THSD4: variants seen among roughly 807,000 people sequenced by gnomAD.
THSD4 encodes thrombospondin type-1 domain-containing protein 4.
Under a neutral mutation model 119.0 loss-of-function variants are expected in THSD4, and 69 were observed. The observed-to-expected ratio is 0.58, with a 90% CI of 0.48 to 0.71. The LOEUF is 0.71. Among genes scored for constraint, THSD4 ranks in the 30% least tolerant of loss-of-function variants. The pLI is 0.00. For synonymous variants in THSD4, 524 were observed against 540.4 expected (o/e 0.97, Z 0.42); for missense variants, 1,393 against 1,391.1 (o/e 1.00, Z -0.02).
intron 3 of THSD4, 84 bp from the exon 4 acceptor site, chr15:71,214,951 A>G: frequency 8.2e-7 from 1 of 1,212,976 alleles, no homozygotes; most frequent in Non-Finnish European, 1.0e-6. Context: ...CTTGTGCCTG[A>G]TGGATAAGTC....
chr15:71,352,505 G>C (rs2045756815), intron 6 of THSD4, among the ~76,000 whole-genome samples: 1 of 152,160 alleles, frequency 6.6e-6, no homozygotes, highest in South Asian at 2.1e-4. Flanking sequence ...GTTATGAGTG[G>C]AGTTAAAAAG....
chr15:71,366,763 G>A (rs2045970774), intron 6 of THSD4, among the ~76,000 whole-genome samples: 1 of 152,078 alleles, frequency 6.6e-6, no homozygotes, highest in South Asian at 2.1e-4. Context: ...TACTCAACAG[G>A]CACCTGTCCT....
In THSD4 at chr15:71,783,312, A is replaced by G. The variant is rs1416152374; in HGVS notation, c.*5938A>G. The G allele has an allele frequency of 6.6e-6, 1 of 152,250 alleles. No homozygotes were observed. The highest frequency in any genetic ancestry group is 2.4e-5 in the African/African-American group (1 of 41,464). The allele number at this position is 152,250 out of a possible 1,614,324, so 9.4% of individuals were successfully genotyped here. On this transcript the variant is annotated 3_prime_UTR_variant, in exon 18 of 18. Coordinates refer to ENST00000261862, the MANE Select transcript of THSD4 (RefSeq NM_024817.3). ...ACAAGCGTGTGCTTTCTCTGGCCTT[A>G]TTCGCGTTCTGTTCTCCTGCAAATA...
chr15:71,640,864 T>C (rs969064498), intron 7 of THSD4, among the ~76,000 whole-genome samples: 3 of 152,158 alleles, frequency 2.0e-5, no homozygotes, highest in South Asian at 2.1e-4. Context: ...TATGCCACTT[T>C]TGATTTCTCT....
At chr15:71,723,962 G>A (rs118123233) in intron 8 of THSD4, among the ~76,000 whole-genome samples, 2,348 of 151,644 alleles carry the variant, frequency 0.015, 40 homozygotes, top group Non-Finnish European at 0.025. Flanking sequence ...AAGCTGAGGT[G>A]GGAACATTGC....
intron 8 of THSD4, among the ~76,000 whole-genome samples, chr15:71,708,321 G>T (rs2052433315): frequency 6.6e-6 from 1 of 152,166 alleles, no homozygotes; most frequent in East Asian, 1.9e-4. Context: ...TTCATCCTCT[G>T]TAGACAATGC....
intron 8 of THSD4, among the ~76,000 whole-genome samples, chr15:71,707,803 C>A (rs551745386): frequency 6.6e-6 from 1 of 152,304 alleles, no homozygotes; most frequent in East Asian, 1.9e-4. Context: ...TCTAACCAAG[C>A]AAGCTAACAT....
chr15:71,645,376 A>G (rs1049583759), intron 7 of THSD4, among the ~76,000 whole-genome samples: 1 of 152,138 alleles, frequency 6.6e-6, no homozygotes, highest in African/African-American at 2.4e-5. Flanking sequence ...CCGTGCAAAG[A>G]GGGAAGCCTC....
At chr15:71,746,378 CAG>C (rs1296570716) in intron 12 of THSD4, among the ~76,000 whole-genome samples, 2 of 152,080 alleles carry the variant, frequency 1.3e-5, no homozygotes, top group East Asian at 3.9e-4. Flanking sequence ...GACCCTTAGG[CAG>C]ACTTTTTCTT....
chr15:71,423,898 A>G (rs1271551639), intron 7 of THSD4, among the ~76,000 whole-genome samples: 1 of 152,118 alleles, frequency 6.6e-6, no homozygotes, highest in Non-Finnish European at 1.5e-5. Flanking sequence ...CCTAGTCTCA[A>G]TGCTCCCTCC....
intron 6 of THSD4, among the ~76,000 whole-genome samples, chr15:71,314,932 C>G (rs1046046126): frequency 1.3e-5 from 2 of 152,170 alleles, no homozygotes; most frequent in Non-Finnish European, 2.9e-5. Context: ...CTTTCACTCT[C>G]TTATCTAGTT....
rs369964520 is a variant in THSD4 at position 71,782,315 on chromosome 15, T to C, written c.*4941T>C. 6.6e-5 allele frequency: 10 copies of C among 152,278 alleles called. No individual in the cohort carries two copies. Among genetic ancestry groups the C allele is most frequent in the African/African-American group, 2.4e-4 (10 of 41,548 alleles). 9.4% of individuals were successfully genotyped at this position (152,278 alleles called of 1,614,324 possible). ...GAGGGTGAAAACTTCCAGCCAACTTTCTCAGTCCTTTCTCTTGCGAGAGGG... is the reference window on the plus strand; with the variant it reads ...GAGGGTGAAAACTTCCAGCCAACTTCCTCAGTCCTTTCTCTTGCGAGAGGG... On this transcript the variant is annotated 3_prime_UTR_variant, in exon 18 of 18. Coordinates refer to ENST00000261862, the MANE Select transcript of THSD4 (RefSeq NM_024817.3).
chr15:71,433,942 G>A (rs552192754), intron 7 of THSD4, among the ~76,000 whole-genome samples: 20 of 152,194 alleles, frequency 1.3e-4, no homozygotes, highest in East Asian at 3.9e-4. Flanking sequence ...CCCATTAGCC[G>A]GCCCTTAGAG....
At chr15:71,128,420 G>A (rs536873048) in intron 1 of THSD4, among the ~76,000 whole-genome samples, 65 of 151,920 alleles carry the variant, frequency 4.3e-4, no homozygotes, top group African/African-American at 1.5e-3. Flanking sequence ...CCAGCTACTT[G>A]GACGGCTAAG....
upstream of THSD4, chr15:71,112,365 G>T: frequency 1.1e-6 from 1 of 899,010 alleles, no homozygotes; most frequent in Non-Finnish European, 1.6e-6. Context: ...ACAGGTGTAA[G>T]CTAGAGCTGT....
intron 7 of THSD4, among the ~76,000 whole-genome samples, chr15:71,580,715 T>C (rs775857004): frequency 1.3e-5 from 2 of 152,222 alleles, no homozygotes; most frequent in Non-Finnish European, 2.9e-5. Context: ...TTTTTTTACA[T>C]TCCATCTATA....
At chr15:71,215,473 G>A (rs1052325098) in intron 4 of THSD4, 74 bp downstream of exon 4, 2 of 1,387,122 alleles carry the variant, frequency 1.4e-6, no homozygotes, top group South Asian at 1.5e-5. Context: ...CCCCTGCCTC[G>A]CACGCTGCTC....
At position 71,737,868 on chromosome 15, in the gene THSD4, CCCAGTCAGGCAT is replaced by C; in HGVS notation, c.1772_1783del (p.Val591_Pro594del). The C allele has an allele frequency of 1.2e-6, 2 of 1,614,240 alleles. No individual in the cohort carries two copies. Among genetic ancestry groups the C allele is most frequent in the Non-Finnish European group, 1.7e-6 (2 of 1,180,044 alleles). The stretch of plus-strand genomic sequence containing the variant: ...TCACCTCAGAATCGGCACAGACCTT[CCCAGTCAGGCAT>C]CCAGACAGATTTTCTCCCCATCGAC... On this transcript the variant is annotated inframe_deletion, in exon 11 of 18. Coordinates refer to ENST00000261862, the MANE Select transcript of THSD4 (RefSeq NM_024817.3).
chr15:71,750,213 T>C (rs1441504927), intron 14 of THSD4, among the ~76,000 whole-genome samples: 1 of 151,966 alleles, frequency 6.6e-6, no homozygotes, highest in Non-Finnish European at 1.5e-5. Flanking sequence ...ACAACAACCA[T>C]AGTATCTCAG....
Sources: allele counts gnomAD v4.1 joint callset (sites outside exome capture counted in the v4.1 genomes callset), GRCh38; gene constraint gnomAD v4.1.1; transcripts MANE v1.5; gene names NCBI Gene and HGNC (gene_info 2026-07-23, HGNC 2026-07-21).